The following ETFBKMT variants were observed in gnomAD, a reference collection of about 807,000 sequenced individuals.
ETFBKMT encodes electron transfer flavoprotein subunit beta lysine methyltransferase.
In ETFBKMT, 13 loss-of-function variants were observed where a neutral mutation model predicts 18.3. That is an observed-to-expected ratio of 0.71 (90% CI 0.46 to 1.13). The LOEUF is 1.13. Among genes scored for constraint, ETFBKMT ranks in the 50% most tolerant of loss-of-function variants. The probability of loss-of-function intolerance (pLI) is 0.00; values close to 1 mark genes in which losing one functional copy is unlikely to be tolerated. For missense variants in ETFBKMT, 293 were observed against 306.2 expected (o/e 0.96, Z 0.32); for synonymous variants, 84 against 107.9 (o/e 0.78, Z 1.37).
chr12:31,667,718 A>T lies in ETFBKMT; in HGVS notation c.517A>T (p.Ile173Phe). ...TCCTTTTCCTATTTTAATCCAAAAC[A>T]TTTTGAATTTGGAACAAGATAAGTG... ...LNPFPILIQN[I>F]LNLEQDKWDL... The change falls in exon 4 of 4, where the codon ATT becomes TTT. Residue 173 changes from isoleucine (I) to phenylalanine (F), a missense_variant. Physicochemically the swap from Ile to Phe is conservative, Grantham distance 21 (BLOSUM62 0). Coordinates refer to ENST00000357721, the MANE Select transcript of ETFBKMT (RefSeq NM_001135863.2). 1 of 1,613,950 alleles carries T rather than the reference A, an allele frequency of 6.2e-7. No individual in the cohort carries two copies. Among genetic ancestry groups the T allele is most frequent in the Non-Finnish European group, 8.5e-7 (1 of 1,179,954 alleles).
upstream of ETFBKMT, among the ~76,000 whole-genome samples, chr12:31,655,865 T>G (rs972313107): frequency 2.0e-5 from 3 of 152,188 alleles, no homozygotes; most frequent in Admixed American, 1.3e-4. Flanking sequence ...TAAACCTGGA[T>G]TGATTGAGAT....
At chr12:31,651,574 T>C (rs1471037999) in intron 1 of ETFBKMT, among the ~76,000 whole-genome samples, 1 of 152,062 alleles carries the variant, frequency 6.6e-6, no homozygotes, top group Non-Finnish European at 1.5e-5. Flanking sequence ...AGGTGTGATC[T>C]AGCCGCCTCC....
chr12:31,659,996 A>G (rs1951100277), intron 1 of ETFBKMT: 1 of 149,062 alleles, frequency 6.7e-6, no homozygotes, highest in Admixed American at 6.7e-5. Flanking sequence ...TAAAAAAAAA[A>G]AAAAAAAAAA....
chr12:31,666,196 T>G lies in ETFBKMT; in HGVS notation c.424T>G (p.Leu142Val). The G allele has an allele frequency of 6.2e-7, 1 of 1,614,142 alleles. No individual in the cohort carries two copies. Among genetic ancestry groups the G allele is most frequent in the African/African-American group, 1.3e-5 (1 of 75,068 alleles). Residue 142 changes from leucine (L) to valine (V), a missense_variant, in exon 3 of 4, where the codon TTG becomes GTG. Leu to Val is a conservative substitution (Grantham distance 32). Coordinates refer to ENST00000357721, the MANE Select transcript of ETFBKMT (RefSeq NM_001135863.2). ...AAKMSGASRI[L>V]ANDIDPIAGM... is the part of the protein sequence containing the mutation. ...TAAGATGAGTGGGGCATCAAGGATC[T>G]TGGCCAATGACATAGACCCTAGTAA...
intron 2 of ETFBKMT, 51 bp from the exon 3 acceptor site, chr12:31,666,036 A>G (rs746569154): frequency 5.2e-6 from 8 of 1,547,628 alleles, no homozygotes; most frequent in Middle Eastern, 1.8e-4. Context: ...CCTGTTCCCA[A>G]CATTTATTTT....
intron 1 of ETFBKMT, among the ~76,000 whole-genome samples, chr12:31,652,695 G>T (rs1396136449): frequency 2.0e-5 from 3 of 152,190 alleles, no homozygotes; most frequent in Non-Finnish European, 4.4e-5. Flanking sequence ...AGATGATGGT[G>T]ATTTATATTA....
rs1273873108 is a variant in ETFBKMT, at chr12:31,668,854, T to C, written c.*864T>C. 3 of 152,208 alleles carry C rather than the reference T, an allele frequency of 2.0e-5. No homozygotes were observed. The highest frequency in any genetic ancestry group is 4.4e-5 in the Non-Finnish European group (3 of 68,034). 9.4% of individuals were successfully genotyped at this position (152,208 alleles called of 1,614,324 possible). ...TTTTCTTATAGCTTCTATCTCTGCT[T>C]ACGTCACCCATCATTCTTGCGTGTT... On this transcript the variant is annotated 3_prime_UTR_variant, in exon 4 of 4. Coordinates refer to ENST00000357721, the MANE Select transcript of ETFBKMT (RefSeq NM_001135863.2).
rs936871146 is a variant in ETFBKMT at position 31,672,610 on chromosome 12, G to C, written c.*4620G>C. On this transcript the variant is annotated 3_prime_UTR_variant, in exon 4 of 4. Transcript: ENST00000357721. ...ATTACTTGTTTAAAAAAAAAAAACA[G>C]GCATTTGTTGTTTTCTCTGTAATTT... The C allele has an allele frequency of 1.7e-5, 6 of 359,640 alleles. No homozygotes were observed. Among genetic ancestry groups the C allele is most frequent in the Non-Finnish European group, 3.0e-5 (6 of 197,706 alleles). 22.3% of individuals were successfully genotyped at this position (359,640 alleles called of 1,614,324 possible).
intron 1 of ETFBKMT, among the ~76,000 whole-genome samples, chr12:31,660,326 C>T (rs1351694084): frequency 6.6e-6 from 1 of 152,126 alleles, no homozygotes; most frequent in African/African-American, 2.4e-5. Flanking sequence ...TGTTATTTTA[C>T]AGCCAGCCTG....
At chr12:31,650,612 T>C (rs1462973557) in intron 1 of ETFBKMT, among the ~76,000 whole-genome samples, 3 of 143,328 alleles carry the variant, frequency 2.1e-5, no homozygotes, top group African/African-American at 7.8e-5. Flanking sequence ...GAGTGGAAGA[T>C]TGAAATGACC....
chr12:31,651,554 T>A (rs1951018444), intron 1 of ETFBKMT, among the ~76,000 whole-genome samples: 1 of 152,116 alleles, frequency 6.6e-6, no homozygotes, highest in Admixed American at 6.5e-5. Context: ...GGTCTGGAAC[T>A]CCTGACCTCA....
intron 1 of ETFBKMT, among the ~76,000 whole-genome samples, chr12:31,660,568 T>C (rs1463928646): frequency 1.3e-5 from 2 of 152,186 alleles, no homozygotes; most frequent in Non-Finnish European, 2.9e-5. Flanking sequence ...ATTGCACAGG[T>C]GTTTTTCTGT....
rs1951216058 is a variant in ETFBKMT at position 31,667,714 on chromosome 12, A to C, written c.513A>C (p.Gln171His). ...NRLNPFPILI[Q>H]NILNLEQDKW... ...TGAATCCTTTTCCTATTTTAATCCA[A>C]AACATTTTGAATTTGGAACAAGATA... Residue 171 changes from glutamine to histidine, a missense_variant, in exon 4 of 4, where the codon CAA (glutamine) becomes CAC (histidine). By Grantham distance (24) the Gln-to-His change is conservative (BLOSUM62 0). Transcript: ENST00000357721. 4.3e-6 allele frequency: 7 copies of C among 1,614,130 alleles called. No homozygotes were observed. The highest frequency in any genetic ancestry group is 5.9e-6 in the Non-Finnish European group (7 of 1,180,008).
intron 1 of ETFBKMT, among the ~76,000 whole-genome samples, chr12:31,647,785 C>T (rs140286211): frequency 2.3e-4 from 35 of 152,154 alleles, no homozygotes; most frequent in African/African-American, 8.2e-4. Context: ...GCCAAGATCA[C>T]GCCACTGCAC....
rs1305295334 is a variant in ETFBKMT, at chr12:31,650,926, C to G, written c.-114+3671C>G. Among the ~76,000 whole-genome samples the G allele has an allele frequency of 2.0e-5, 3 of 152,080 alleles. 1 individual carries two copies. Among genetic ancestry groups the G allele is most frequent in the Non-Finnish European group, 4.4e-5 (3 of 68,022 alleles). ...ACACATCCAGTTTCTTAGGAAGAAA[C>G]GTTTACTAGGGACTTAGAACAGAAG... On this transcript the variant is annotated intron_variant, in intron 1 of 3. Coordinates refer to the ETFBKMT transcript ENST00000412352.
intron 1 of ETFBKMT, among the ~76,000 whole-genome samples, chr12:31,648,608 C>A (rs1939720175): frequency 7.7e-6 from 1 of 129,854 alleles, no homozygotes; most frequent in Non-Finnish European, 1.5e-5. Flanking sequence ...GTCTCCCAGG[C>A]TGGAGTTCAG....
intron 1 of ETFBKMT, among the ~76,000 whole-genome samples, chr12:31,653,669 C>T (rs1057187017): frequency 3.9e-5 from 6 of 152,148 alleles, no homozygotes; most frequent in East Asian, 1.9e-4. Context: ...AGGGAGAGGC[C>T]GGGTGCGGTG....
chr12:31,648,360 GTT>G (rs35137084), intron 1 of ETFBKMT, among the ~76,000 whole-genome samples: 54,038 of 117,496 alleles, frequency 0.46, 9,998 homozygotes, highest in South Asian at 0.56. Context: ...GATGTAAATA[GTT>G]TTTTTTTTTT....
At chr12:31,659,939 A>C (rs1479504101) in intron 1 of ETFBKMT, 150 bp downstream of exon 1, 1 of 146,954 alleles carries the variant, frequency 6.8e-6, no homozygotes, top group African/African-American at 2.5e-5. Flanking sequence ...GCTTCAGGTC[A>C]GGAGTTCCAG....
Sources: gnomAD v4.1 joint callset for allele counts (sites outside exome capture counted in the v4.1 genomes callset) on GRCh38, gnomAD v4.1.1 for gene constraint, MANE v1.5 for transcripts, NCBI Gene and HGNC (gene_info 2026-07-23, HGNC 2026-07-21) for gene names.